Variants in KLHL4 observed in about 807,000 individuals in gnomAD.
KLHL4 encodes kelch-like protein 4.
A neutral mutation model predicts 45.8 loss-of-function variants in KLHL4; 17 were observed. The observed-to-expected ratio is 0.37, with a 90% CI of 0.25 to 0.56. The LOEUF (loss-of-function observed/expected upper bound fraction) is 0.56, where lower values mean the gene tolerates loss of function less well. KLHL4 is among the 20% of genes least tolerant of loss of function. The pLI, the probability that KLHL4 is intolerant of heterozygous loss-of-function variation, is 0.79. For missense variants in KLHL4, 544 were observed against 544.9 expected, an observed-to-expected ratio of 1.00 and a Z score of 0.02; for synonymous variants, 224 against 189.9, an observed-to-expected ratio of 1.18 and a Z score of -1.47.
intron 1 of KLHL4, among the ~76,000 whole-genome samples, chrX:87,591,893 G>A (rs1921676777): frequency 9.0e-6 from 1 of 111,171 alleles, no homozygotes; most frequent in South Asian, 3.7e-4. Flanking sequence ...ATTTTAAAAT[G>A]TACAATGAGT....
At chrX:87,649,765 G>A (rs1192475404) in intron 9 of KLHL4, among the ~76,000 whole-genome samples, 1 of 111,175 alleles carries the variant, frequency 9.0e-6, no homozygotes, top group Non-Finnish European at 1.9e-5. Context: ...GTGTTGAAAA[G>A]ACTCTCCTTT....
rs1447695757 is a variant in KLHL4, at chrX:87,633,051, C to T, written c.1549+617C>T. On this transcript the variant is annotated intron_variant, in intron 7 of 10. Coordinates refer to ENST00000373119, the MANE Select transcript of KLHL4 (RefSeq NM_019117.5). ...CAGTTCAGTTATGTCAGTGTTATTC[C>T]TAGACATAGCTTAGAAAGGTCCTGC... is the stretch of plus-strand genomic sequence containing the variant. Among the ~76,000 whole-genome samples, 6 of 111,016 alleles carry T rather than the reference C, an allele frequency of 5.4e-5. 1 individual carries two copies. In the Admixed American group the frequency reaches 5.8e-4, roughly 11 times the overall value.
In KLHL4 at chrX:87,667,043, C is replaced by T; in HGVS notation, c.*509C>T. The T allele has an allele frequency of 1.6e-5, 12 of 733,983 alleles. No homozygotes were observed. The highest frequency in any genetic ancestry group is 1.8e-5 in the Non-Finnish European group (11 of 623,772). 60.5% of individuals were successfully genotyped at this position (733,983 alleles called of 1,213,427 possible). On this transcript the variant is annotated 3_prime_UTR_variant, in exon 11 of 11. Coordinates refer to ENST00000373119, the MANE Select transcript of KLHL4 (RefSeq NM_019117.5). ...TCAAATAATATCCCAAAGAGCTAAA[C>T]AATTCCTTACATTTACCAAGAGGAA...
At chrX:87,558,616 C>A (rs757872043) in intron 1 of KLHL4, among the ~76,000 whole-genome samples, 34 of 111,757 alleles carry the variant, frequency 3.0e-4, no homozygotes, top group African/African-American at 1.0e-3. Flanking sequence ...AACAAACAAA[C>A]TGCCTTCTAA....
chrX:87,649,869 T>G (rs912510906), intron 9 of KLHL4, among the ~76,000 whole-genome samples: 4 of 111,404 alleles, frequency 3.6e-5, no homozygotes, highest in Non-Finnish European at 7.5e-5. Flanking sequence ...CCATTGGTCT[T>G]TATGTCTGTC....
At position 87,668,209 on chromosome X, in the gene KLHL4, C is replaced by T. The variant is rs1200942112; in HGVS notation, c.*1675C>T. 1 of 753,203 alleles carries T rather than the reference C, an allele frequency of 1.3e-6. No individual in the cohort carries two copies. The highest frequency in any genetic ancestry group is 2.3e-5 in the African/African-American group (1 of 43,698). The allele number at this position is 753,203 out of a possible 1,213,427, so 62.1% of individuals were successfully genotyped here. ...TGAAATCAGTGTAGAAGTAGAGTTA[C>T]CTAAACCTTTATCGCCAATGCACAG... On this transcript the variant is annotated 3_prime_UTR_variant, in exon 11 of 11. Transcript: ENST00000373119.
intron 1 of KLHL4, among the ~76,000 whole-genome samples, chrX:87,579,830 A>G (rs1015314744): frequency 1.7e-4 from 19 of 112,366 alleles, no homozygotes; most frequent in African/African-American, 1.3e-4. Flanking sequence ...AAAAATGCTA[A>G]AAGAGTTATT....
intron 1 of KLHL4, among the ~76,000 whole-genome samples, chrX:87,548,577 A>T (rs1000369958): frequency 9.0e-5 from 10 of 111,505 alleles, no homozygotes; most frequent in Non-Finnish European, 1.9e-4. Flanking sequence ...TCAAGACATA[A>T]TCAGTACAAT....
At chrX:87,590,576 T>C (rs753746993) in intron 1 of KLHL4, among the ~76,000 whole-genome samples, 3 of 111,597 alleles carry the variant, frequency 2.7e-5, no homozygotes, top group Non-Finnish European at 3.8e-5. Context: ...GTCATACTTC[T>C]GGATTTCAAA....
chrX:87,643,919 C>G (rs1265817385), intron 9 of KLHL4, among the ~76,000 whole-genome samples: 1 of 111,737 alleles, frequency 8.9e-6, no homozygotes, highest in Non-Finnish European at 1.9e-5. Context: ...TAAAAACCAT[C>G]TATGACAAAC....
chrX:87,533,182 G>C, intron 1 of KLHL4, among the ~76,000 whole-genome samples: 1 of 110,221 alleles, frequency 9.1e-6, no homozygotes, highest in Non-Finnish European at 1.9e-5. Context: ...AATACCATTT[G>C]ATCCAGTCAT....
chrX:87,612,459 A>G (rs949492300), intron 1 of KLHL4, among the ~76,000 whole-genome samples: 7 of 111,842 alleles, frequency 6.3e-5, no homozygotes, highest in African/African-American at 2.3e-4. Context: ...TAAACCACAT[A>G]GCCTAGTTAA....
At chrX:87,652,436 A>G (rs1375173814) in intron 9 of KLHL4, among the ~76,000 whole-genome samples, 1 of 112,444 alleles carries the variant, frequency 8.9e-6, no homozygotes, top group Non-Finnish European at 1.9e-5. Flanking sequence ...CTGAATGCTA[A>G]TAGCACCTCT....
intron 6 of KLHL4, among the ~76,000 whole-genome samples, chrX:87,627,353 G>A (rs761231601): frequency 1.5e-4 from 16 of 109,180 alleles, no homozygotes; most frequent in Non-Finnish European, 2.9e-4. Flanking sequence ...AAGGAAAGGG[G>A]ATAGAAAAAA....
At chrX:87,630,749 A>G (rs1328075058) in intron 6 of KLHL4, among the ~76,000 whole-genome samples, 1 of 112,017 alleles carries the variant, frequency 8.9e-6, no homozygotes, top group African/African-American at 3.2e-5. Flanking sequence ...GTAATTGAAT[A>G]GAAAATACAA....
intron 1 of KLHL4, among the ~76,000 whole-genome samples, chrX:87,588,944 T>G (rs1200764667): frequency 9.0e-6 from 1 of 111,566 alleles, no homozygotes; most frequent in African/African-American, 3.3e-5. Flanking sequence ...ATTTGCAAAC[T>G]ACTCATTTGA....
chrX:87,655,437 A>G (rs1002713209), intron 9 of KLHL4, among the ~76,000 whole-genome samples: 1 of 112,157 alleles, frequency 8.9e-6, no homozygotes, highest in Non-Finnish European at 1.9e-5. Context: ...TGATTATATT[A>G]TGACATTACT....
chrX:87,606,427 TGAAA>T (rs1922198802), intron 1 of KLHL4, among the ~76,000 whole-genome samples: 1 of 110,544 alleles, frequency 9.0e-6, no homozygotes, highest in African/African-American at 3.3e-5. Flanking sequence ...AAAATATCAA[TGAAA>T]TTAAGAATTG....
intron 9 of KLHL4, among the ~76,000 whole-genome samples, chrX:87,639,459 G>A (rs1001427177): frequency 2.7e-5 from 3 of 111,334 alleles, no homozygotes; most frequent in Middle Eastern, 9.3e-3. Context: ...CTCAGTAAAA[G>A]CCACAAAACA....
Sources: gnomAD v4.1 joint callset for allele counts (sites outside exome capture counted in the v4.1 genomes callset) on GRCh38, gnomAD v4.1.1 for gene constraint, MANE v1.5 for transcripts, NCBI Gene and HGNC (gene_info 2026-07-23, HGNC 2026-07-21) for gene names.